PTPRD: variants seen among roughly 807,000 people sequenced by gnomAD.
PTPRD encodes receptor-type tyrosine-protein phosphatase delta.
PTPRD carries 34 observed loss-of-function variants against 214.5 expected under a neutral mutation model. The ratio of observed to expected loss-of-function variants is 0.16; its 90% CI spans 0.12 to 0.21. The LOEUF is 0.21. Ranked by LOEUF, PTPRD falls within the 10% of genes least tolerant of loss-of-function variation. PTPRD has a pLI of 1.00. For synonymous variants in PTPRD, 1,128 were observed against 845.7 expected (o/e 1.33, Z -5.79); for missense variants, 2,545 against 2,398.7 (o/e 1.06, Z -1.27).
At chr9:9,343,699 G>GA (rs889205026) in intron 9 of PTPRD, among the ~76,000 whole-genome samples, 2 of 150,938 alleles carry the variant, frequency 1.3e-5, no homozygotes, top group African/African-American at 4.9e-5. Flanking sequence ...TGTTTCATTC[G>GA]AAAATCACAA....
At chr9:10,464,771 A>G (rs190965129) in intron 2 of PTPRD, among the ~76,000 whole-genome samples, 5 of 152,286 alleles carry the variant, frequency 3.3e-5, no homozygotes, top group Admixed American at 6.5e-5. Context: ...GGATATTTCA[A>G]TGTAACAACG....
intron 2 of PTPRD, among the ~76,000 whole-genome samples, chr9:10,417,768 G>T (rs114924720): frequency 0.01 from 1,544 of 151,930 alleles, 24 homozygotes; most frequent in African/African-American, 0.034. Context: ...CCTAAGACAA[G>T]GAGCTCTGAA....
intron 11 of PTPRD, among the ~76,000 whole-genome samples, chr9:8,911,212 C>T (rs577095643): frequency 2.0e-5 from 3 of 152,226 alleles, no homozygotes; most frequent in Non-Finnish European, 2.9e-5. Flanking sequence ...TAAGAACTTG[C>T]TATAAACAAT....
At chr9:9,491,572 A>T (rs950554781) in intron 8 of PTPRD, among the ~76,000 whole-genome samples, 5 of 151,164 alleles carry the variant, frequency 3.3e-5, no homozygotes, top group African/African-American at 1.2e-4. Flanking sequence ...GTTAGAAAAT[A>T]GACATCACAC....
At chr9:8,581,514 C>A (rs1474767477) in intron 14 of PTPRD, among the ~76,000 whole-genome samples, 2 of 146,764 alleles carry the variant, frequency 1.4e-5, no homozygotes, top group Non-Finnish European at 3.0e-5. Context: ...TTTGGGAGGC[C>A]GAGGTGGGCG....
chr9:10,398,760 T>C (rs2098220010), intron 2 of PTPRD, among the ~76,000 whole-genome samples: 2 of 152,128 alleles, frequency 1.3e-5, no homozygotes, highest in African/African-American at 4.8e-5. Context: ...TATTGTGTTT[T>C]TAATATGGAA....
rs775574124 is a variant in PTPRD at position 9,042,614 on chromosome 9, C to CTTTTT, written c.-142-23880_-142-23879insAAAAA. Among the ~76,000 whole-genome samples the CTTTTT allele has an allele frequency of 8.0e-5, 9 of 112,472 alleles. 2 individuals are homozygous for CTTTTT. Among genetic ancestry groups the CTTTTT allele is most frequent in the East Asian group, 5.1e-4 (2 of 3,900 alleles). 73.8% of individuals were successfully genotyped at this position (112,472 alleles called of 152,430 possible). A position where few individuals can be genotyped will look rare whatever the true frequency, so the allele number is the denominator to read the frequency against. On this transcript the variant is annotated intron_variant, in intron 10 of 45. Coordinates refer to ENST00000381196, the MANE Select transcript of PTPRD (RefSeq NM_002839.4). ...CCACTTAGCATTTTTTCTTTTTTTT[C>CTTTTT]TTTTCTTTTTTTTTTTTTTTGGTCT...
At chr9:9,138,976 A>T (rs2154479615) in intron 10 of PTPRD, among the ~76,000 whole-genome samples, 1 of 152,266 alleles carries the variant, frequency 6.6e-6, no homozygotes, top group African/African-American at 2.4e-5. Context: ...ATCTTCATTA[A>T]GGTATTATAT....
rs980357082 is a variant in PTPRD at position 10,089,810 on chromosome 9, G to A, written c.-544-56020C>T. ...AATGAACTAGGTGACGGGCATCGGG[G>A]CAACCAGAAAACTTGTAAAATCTTT... On this transcript the variant is annotated intron_variant, in intron 3 of 45. Coordinates refer to ENST00000381196, the MANE Select transcript of PTPRD (RefSeq NM_002839.4). 4.0e-5 allele frequency among the ~76,000 whole-genome samples: 6 copies of A among 151,608 alleles called. No individual in the cohort carries two copies. The Admixed American group carries it at 4.0e-4, about 10-fold the overall frequency.
chr9:10,005,557 T>A (rs774716806), intron 4 of PTPRD, among the ~76,000 whole-genome samples: 1 of 152,078 alleles, frequency 6.6e-6, no homozygotes, highest in Non-Finnish European at 1.5e-5. Flanking sequence ...GAGTGTGTCT[T>A]TATCTCCTTT....
chr9:9,394,235 C>T (rs1486789671), intron 9 of PTPRD, among the ~76,000 whole-genome samples: 1 of 152,132 alleles, frequency 6.6e-6, no homozygotes, highest in Admixed American at 6.6e-5. Flanking sequence ...TCTGTGTCTT[C>T]GTGTCATTAA....
rs549601441 is a variant in PTPRD, at chr9:10,500,072, A to G, written c.-600+112326T>C. Among the ~76,000 whole-genome samples, 97 of 151,828 alleles carry G rather than the reference A, an allele frequency of 6.4e-4. 1 individual carries two copies. Among genetic ancestry groups the G allele is most frequent in the Non-Finnish European group, 1.2e-3 (84 of 67,826 alleles). ...ATATTGGAATATTTTTCTATTTTAA[A>G]TCATCAAATATATACATTTCTACTA... On this transcript the variant is annotated intron_variant, in intron 2 of 45. Coordinates refer to ENST00000381196, the MANE Select transcript of PTPRD (RefSeq NM_002839.4).
In PTPRD at chr9:9,643,578, T is replaced by C. The variant is rs535362347; in HGVS notation, c.-286-68797A>G. Among the ~76,000 whole-genome samples, 11 of 152,320 alleles carry C rather than the reference T, an allele frequency of 7.2e-5. No individual in the cohort carries two copies. In the Middle Eastern group the frequency reaches 0.017, roughly 235 times the overall value. ...GATAGCAGATCCTTTCTTAGCATCC[T>C]CACCTTATAAAATTAATAGATCCTC... On this transcript the variant is annotated intron_variant, in intron 7 of 45. Transcript: ENST00000381196.
At chr9:8,640,882 G>A (rs1251478138) in intron 12 of PTPRD, among the ~76,000 whole-genome samples, 1 of 133,178 alleles carries the variant, frequency 7.5e-6, no homozygotes, top group Non-Finnish European at 1.5e-5. Flanking sequence ...ACTAAGCATG[G>A]GTGGTGCATA....
At chr9:10,584,201 A>G (rs1373670527) in intron 2 of PTPRD, among the ~76,000 whole-genome samples, 1 of 151,644 alleles carries the variant, frequency 6.6e-6, no homozygotes, top group Non-Finnish European at 1.5e-5. Flanking sequence ...AAAAGAAAGA[A>G]AAAAAAAGAA....
intron 11 of PTPRD, among the ~76,000 whole-genome samples, chr9:8,903,340 A>G (rs956298553): frequency 6.6e-5 from 10 of 152,202 alleles, no homozygotes; most frequent in African/African-American, 2.4e-4. Flanking sequence ...ACTCAGGAAC[A>G]TATTCAAAGA....
At chr9:8,685,880 C>T (rs1047891393) in intron 12 of PTPRD, among the ~76,000 whole-genome samples, 6 of 152,182 alleles carry the variant, frequency 3.9e-5, no homozygotes, top group African/African-American at 1.4e-4. Flanking sequence ...CTAGGCTCCT[C>T]TTTATTATGT....
chr9:8,421,704 C>T lies in PTPRD; in HGVS notation c.4086+14888G>A, dbSNP rs966252772. On this transcript the variant is annotated intron_variant, in intron 35 of 45. Transcript: ENST00000381196. ...CAACTCCTCAGTGCCCTTAGTTTCCCTCCATCAAATGTTTAAAAGCAATAC... is the reference window on the plus strand; with the variant it reads ...CAACTCCTCAGTGCCCTTAGTTTCCTTCCATCAAATGTTTAAAAGCAATAC... Among the ~76,000 whole-genome samples the T allele has an allele frequency of 9.2e-5, 14 of 152,152 alleles. No homozygotes were observed. The South Asian group carries it at 2.9e-3, about 32-fold the overall frequency.
chr9:10,596,785 T>C (rs1239538826), intron 2 of PTPRD, among the ~76,000 whole-genome samples: 6 of 151,588 alleles, frequency 4.0e-5, no homozygotes, highest in Non-Finnish European at 7.4e-5. Flanking sequence ...GGCTAAATTC[T>C]AAGGTACTAG....
Sources: gnomAD v4.1 joint callset for allele counts (sites outside exome capture counted in the v4.1 genomes callset) on GRCh38, gnomAD v4.1.1 for gene constraint, MANE v1.5 for transcripts, NCBI Gene and HGNC (gene_info 2026-07-23, HGNC 2026-07-21) for gene names.